Variants in KCNQ1OT1 observed in about 807,000 individuals in gnomAD.
The protein encoded by KCNQ1OT1 is KCNQ1 opposite strand/antisense transcript 1.
At chr11:2,614,093 A>T in exon 1 of KCNQ1OT1, 1 of 398,498 alleles carries the variant, frequency 2.5e-6, no homozygotes, top group Non-Finnish European at 4.4e-6. Context: ...TGGTTTCTAG[A>T]TGGCAGCTAT....
chr11:2,632,675 A>G (rs1375809707), exon 1 of KCNQ1OT1: 4 of 398,278 alleles, frequency 1.0e-5, no homozygotes, highest in East Asian at 7.1e-5. Flanking sequence ...TGAGCAGTCA[A>G]AATCCTCCAT....
At position 2,659,467 on chromosome 11, in the gene KCNQ1OT1, C is replaced by T; in HGVS notation, n.40528G>A. On this transcript the variant is annotated non_coding_transcript_exon_variant, in exon 1 of 1. Coordinates refer to ENST00000597346, the Ensembl canonical transcript of KCNQ1OT1. The surrounding 1 kb of genome is among the most constrained non-coding windows in gnomAD (Gnocchi z 4.3). ...TTCTTTTTATTGCTGGGTGGTATTC[C>T]ATTGCATGAATATATACATTTTGTT... The T allele has an allele frequency of 2.5e-6, 1 of 398,518 alleles. No individual in the cohort carries two copies. The highest frequency in any genetic ancestry group is 4.4e-6 in the Non-Finnish European group (1 of 226,034). 24.7% of individuals were successfully genotyped at this position (398,518 alleles called of 1,614,324 possible). A position where few individuals can be genotyped will look rare whatever the true frequency, so the allele number is the denominator to read the frequency against.
Position 2,678,459 on chromosome 11 carries a change from A to G in KCNQ1OT1, n.21536T>C. 1 of 398,558 alleles carries G rather than the reference A, an allele frequency of 2.5e-6. No individual in the cohort carries two copies. Among genetic ancestry groups the G allele is most frequent in the South Asian group, 1.3e-4 (1 of 7,852 alleles). 24.7% of individuals were successfully genotyped at this position (398,558 alleles called of 1,614,324 possible). A position where few individuals can be genotyped will look rare whatever the true frequency, so the allele number is the denominator to read the frequency against. ...CATCTCTCTACTAATTTCAACTGCT[A>G]CCTTTATCATATTTCAAACTCTCAT... is the stretch of plus-strand genomic sequence containing the variant. On this transcript the variant is annotated non_coding_transcript_exon_variant, in exon 1 of 1. Coordinates refer to ENST00000597346, the Ensembl canonical transcript of KCNQ1OT1. The surrounding 1 kb of genome is among the most constrained non-coding windows in gnomAD (Gnocchi z 4.9).
Position 2,651,464 on chromosome 11 carries a change from G to A in KCNQ1OT1, n.48531C>T. ...GCCTGAAGTCAGAGGTAGTGCTTAT[G>A]AAAGTATCTGGTGGGCTTGCATTAA... On this transcript the variant is annotated non_coding_transcript_exon_variant, in exon 1 of 1. Transcript: ENST00000597346. The surrounding 1 kb of genome is among the most constrained non-coding windows in gnomAD (Gnocchi z 6.1). The A allele has an allele frequency of 2.5e-6, 1 of 398,758 alleles. No homozygotes were observed. The highest frequency in any genetic ancestry group is 4.4e-6 in the Non-Finnish European group (1 of 226,154). The allele number at this position is 398,758 out of a possible 1,614,324, so 24.7% of individuals were successfully genotyped here. A position where few individuals can be genotyped will look rare whatever the true frequency, so the allele number is the denominator to read the frequency against.
rs58203092 is a variant in KCNQ1OT1 at position 2,620,948 on chromosome 11, G to GTTTT, written n.79043_79046dup. ...TTTTTTGTTGTTGTTGTTTTGTTTT[G>GTTTT]TTTTTTTTTGTCTGTTTTTTGCTTT... On this transcript the variant is annotated non_coding_transcript_exon_variant, in exon 1 of 1. Coordinates refer to ENST00000597346, the Ensembl canonical transcript of KCNQ1OT1. The surrounding 1 kb of genome is among the most constrained non-coding windows in gnomAD (Gnocchi z 4.5). 14,624 of 355,802 alleles carry GTTTT rather than the reference G, an allele frequency of 0.041. 6 individuals are homozygous for GTTTT. The highest frequency in any genetic ancestry group is 0.1 in the East Asian group (2,122 of 21,284). 22.0% of individuals were successfully genotyped at this position (355,802 alleles called of 1,614,324 possible). A position where few individuals can be genotyped will look rare whatever the true frequency, so the allele number is the denominator to read the frequency against.
exon 1 of KCNQ1OT1, chr11:2,667,074 G>A (rs942197133): frequency 1.3e-5 from 5 of 398,548 alleles, no homozygotes; most frequent in African/African-American, 4.1e-5. Context: ...ATGCACGGGG[G>A]GATTAAATGT....
exon 1 of KCNQ1OT1, chr11:2,635,543 C>T (rs1456107663): frequency 3.3e-5 from 5 of 152,102 alleles, no homozygotes; most frequent in Admixed American, 3.3e-4. Flanking sequence ...TGGTCTATAT[C>T]TCTGTTTTGG....
In KCNQ1OT1 at chr11:2,673,345, T is replaced by G; in HGVS notation, n.26650A>C. Reference sequence around the variant, plus strand: ...AGGCCAGCTTTTGGAAACAGTCTCATTAGCAAACAAAGGGAAGTGACAGAG... The same window carrying G: ...AGGCCAGCTTTTGGAAACAGTCTCAGTAGCAAACAAAGGGAAGTGACAGAG... On this transcript the variant is annotated non_coding_transcript_exon_variant, in exon 1 of 1. Coordinates refer to ENST00000597346, the Ensembl canonical transcript of KCNQ1OT1. This position sits in a 1 kb window ranked among gnomAD's most constrained non-coding sequence, Gnocchi z 4.5. 2.5e-6 allele frequency: 1 copy of G among 398,732 alleles called. No individual in the cohort carries two copies. The highest frequency in any genetic ancestry group is 3.6e-5 in the East Asian group (1 of 28,076). 24.7% of individuals were successfully genotyped at this position (398,732 alleles called of 1,614,324 possible).
At chr11:2,696,171 T>TTTA in exon 1 of KCNQ1OT1, 1 of 398,652 alleles carries the variant, frequency 2.5e-6, no homozygotes, top group Non-Finnish European at 4.4e-6. Context: ...CTGGATCCTG[T>TTTA]TTAAGAACCC....
exon 1 of KCNQ1OT1, chr11:2,644,392 A>T: frequency 2.5e-6 from 1 of 398,294 alleles, no homozygotes; most frequent in Non-Finnish European, 4.4e-6. Flanking sequence ...TTTTTATTTC[A>T]TTCAATCTAT....
In KCNQ1OT1 at chr11:2,626,231, GT is replaced by G. The variant is rs1849260223; in HGVS notation, n.73763del. 2.5e-6 allele frequency: 1 copy of G among 398,506 alleles called. No individual in the cohort carries two copies. The highest frequency in any genetic ancestry group is 2.1e-5 in the African/African-American group (1 of 48,740). The allele number at this position is 398,506 out of a possible 1,614,324, so 24.7% of individuals were successfully genotyped here. A position where few individuals can be genotyped will look rare whatever the true frequency, so the allele number is the denominator to read the frequency against. ...TTTTGAGTAAGTTTTTGTACACAGT[GT>G]TAGGTAAGGGTCTCAACTTCATTCT... On this transcript the variant is annotated non_coding_transcript_exon_variant, in exon 1 of 1. Coordinates refer to ENST00000597346, the Ensembl canonical transcript of KCNQ1OT1. The surrounding 1 kb of genome is among the most constrained non-coding windows in gnomAD (Gnocchi z 4.0).
Position 2,621,219 on chromosome 11 carries a change from C to T in KCNQ1OT1, n.78776G>A. On this transcript the variant is annotated non_coding_transcript_exon_variant, in exon 1 of 1. Coordinates refer to ENST00000597346, the Ensembl canonical transcript of KCNQ1OT1. The surrounding 1 kb of genome is among the most constrained non-coding windows in gnomAD (Gnocchi z 5.7). ...TCTCGAATACCTGACCCCAGATGAT[C>T]CACGCACCTCAGCCTCCCAAAGTGC... is the stretch of plus-strand genomic sequence containing the variant. 5.0e-6 allele frequency: 2 copies of T among 397,812 alleles called. No homozygotes were observed. Among genetic ancestry groups the T allele is most frequent in the East Asian group, 3.6e-5 (1 of 28,064 alleles). 24.6% of individuals were successfully genotyped at this position (397,812 alleles called of 1,614,324 possible). A position where few individuals can be genotyped will look rare whatever the true frequency, so the allele number is the denominator to read the frequency against.
rs1162709272 is a variant in KCNQ1OT1 at position 2,698,244 on chromosome 11, G to A, written n.1751C>T. The A allele has an allele frequency of 2.5e-6, 1 of 398,490 alleles. No individual in the cohort carries two copies. The highest frequency in any genetic ancestry group is 4.4e-6 in the Non-Finnish European group (1 of 226,066). 24.7% of individuals were successfully genotyped at this position (398,490 alleles called of 1,614,324 possible). A position where few individuals can be genotyped will look rare whatever the true frequency, so the allele number is the denominator to read the frequency against. On this transcript the variant is annotated non_coding_transcript_exon_variant, in exon 1 of 1. Coordinates refer to ENST00000597346, the Ensembl canonical transcript of KCNQ1OT1. This position sits in a 1 kb window ranked among gnomAD's most constrained non-coding sequence, Gnocchi z 5.1. ...ATCAAATGTGGATATTATCAGGAAA[G>A]TTTTTATACTTTGTGATAATCTAAG...
In KCNQ1OT1 at chr11:2,667,361, G is replaced by A. The variant is rs914479096; in HGVS notation, n.32634C>T. 1.8e-4 allele frequency: 72 copies of A among 398,678 alleles called. 1 individual carries two copies. In the East Asian group the frequency reaches 2.5e-3, roughly 14 times the overall value. The allele number at this position is 398,678 out of a possible 1,614,324, so 24.7% of individuals were successfully genotyped here. A position where few individuals can be genotyped will look rare whatever the true frequency, so the allele number is the denominator to read the frequency against. On this transcript the variant is annotated non_coding_transcript_exon_variant, in exon 1 of 1. Coordinates refer to ENST00000597346, the Ensembl canonical transcript of KCNQ1OT1. The stretch of plus-strand genomic sequence containing the variant: ...TTCTCATTTCCTCTGCAAGGGAAAG[G>A]CCATCCAAATCACCCTGCCCCAGTG...
exon 1 of KCNQ1OT1, chr11:2,686,565 C>G: frequency 2.5e-6 from 1 of 398,716 alleles, no homozygotes. Context: ...CCTGCAAGGA[C>G]AGCTGTGGTG....
In KCNQ1OT1 at chr11:2,617,030, T is replaced by G; in HGVS notation, n.82965A>C. The G allele has an allele frequency of 2.5e-6, 1 of 398,190 alleles. No individual in the cohort carries two copies. The highest frequency in any genetic ancestry group is 4.4e-6 in the Non-Finnish European group (1 of 225,804). The allele number at this position is 398,190 out of a possible 1,614,324, so 24.7% of individuals were successfully genotyped here. A position where few individuals can be genotyped will look rare whatever the true frequency, so the allele number is the denominator to read the frequency against. ...AAAACATACAGTTAAATCGTTAACA[T>G]AGTGATGCAAATTAATATGTCCATC... On this transcript the variant is annotated non_coding_transcript_exon_variant, in exon 1 of 1. Transcript: ENST00000597346. The surrounding 1 kb of genome is among the most constrained non-coding windows in gnomAD (Gnocchi z 4.6).
At chr11:2,666,256 A>G (rs899773371) in exon 1 of KCNQ1OT1, 1 of 398,670 alleles carries the variant, frequency 2.5e-6, no homozygotes, top group Non-Finnish European at 4.4e-6. Context: ...GGGGAGGACC[A>G]GGACCCCCGA....
At chr11:2,633,723 T>C (rs974836504) in exon 1 of KCNQ1OT1, 15 of 398,498 alleles carry the variant, frequency 3.8e-5, no homozygotes, top group South Asian at 1.3e-4. Context: ...CATTGGTCTA[T>C]ATGTCTGTTT....
In KCNQ1OT1 at chr11:2,620,212, T is replaced by TATATATA. The variant is rs749794052; in HGVS notation, n.79782_79783insTATATAT. On this transcript the variant is annotated non_coding_transcript_exon_variant, in exon 1 of 1. Coordinates refer to ENST00000597346, the Ensembl canonical transcript of KCNQ1OT1. The surrounding 1 kb of genome is among the most constrained non-coding windows in gnomAD (Gnocchi z 4.5). ...AAGTTCATTCATGTATATATATATA[T>TATATATA]TTTTTTTTTTTATTTTTTTTTTAGA... 5,434 of 201,824 alleles carry TATATATA rather than the reference T, an allele frequency of 0.027. 74 individuals are homozygous for TATATATA. The highest frequency in any genetic ancestry group is 0.048 in the South Asian group (230 of 4,792). The allele number at this position is 201,824 out of a possible 1,614,324, so 12.5% of individuals were successfully genotyped here. A position where few individuals can be genotyped will look rare whatever the true frequency, so the allele number is the denominator to read the frequency against.
Sources: gnomAD v4.1 joint callset for allele counts on GRCh38, gnomAD v4.1.1 for gene constraint, Gnocchi (gnomAD v3.1) non-coding constraint, MANE v1.5 for transcripts, NCBI Gene and HGNC (gene_info 2026-07-23, HGNC 2026-07-21) for gene names.